SLC6A2: variants seen among roughly 807,000 people sequenced by gnomAD.
The protein encoded by SLC6A2 is sodium-dependent noradrenaline transporter.
A neutral mutation model predicts 71.7 loss-of-function variants in SLC6A2; 26 were observed. The observed-to-expected ratio is 0.36, with a 90% confidence interval of 0.27 to 0.50. The LOEUF (loss-of-function observed/expected upper bound fraction) is 0.50, where lower values mean the gene tolerates loss of function less well. SLC6A2 is among the 20% of genes least tolerant of loss of function. SLC6A2 has a pLI of 0.96. For missense variants in SLC6A2, 581 were observed against 803.9 expected (o/e 0.72, Z 3.35); for synonymous variants, 363 against 337.9 (o/e 1.07, Z -0.82).
At chr16:55,686,850 T>G (rs1248141266) in intron 5 of SLC6A2, among the ~76,000 whole-genome samples, 1 of 152,342 alleles carries the variant, frequency 6.6e-6, no homozygotes, top group Middle Eastern at 3.4e-3. Flanking sequence ...AACATTCTGA[T>G]GCCTGGCACC....
chr16:55,686,239 A>G (rs1965448512), intron 5 of SLC6A2, among the ~76,000 whole-genome samples: 1 of 152,198 alleles, frequency 6.6e-6, no homozygotes. Flanking sequence ...GATGGTGCAT[A>G]CACATTGCTA....
intron 4 of SLC6A2, among the ~76,000 whole-genome samples, chr16:55,683,120 C>T (rs1180219692): frequency 6.6e-6 from 1 of 152,094 alleles, no homozygotes; most frequent in Non-Finnish European, 1.5e-5. Flanking sequence ...TCAGGGGAAC[C>T]CTTCTCTCCT....
In SLC6A2 at chr16:55,702,516, C is replaced by T; in HGVS notation, c.*170C>T. 2 of 1,520,222 alleles carry T rather than the reference C, an allele frequency of 1.3e-6. No individual in the cohort carries two copies. Among genetic ancestry groups the T allele is most frequent in the South Asian group, 1.3e-5 (1 of 78,228 alleles). 94.2% of individuals were successfully genotyped at this position (1,520,222 alleles called of 1,614,324 possible). A position where few individuals can be genotyped will look rare whatever the true frequency, so the allele number is the denominator to read the frequency against. ...ATTTCGTGACTGTAGTTTTTGTTCA[C>T]CTTCTGTGCATCTGGCCTGGGGGCT... On this transcript the variant is annotated 3_prime_UTR_variant, in exon 15 of 15. Coordinates refer to ENST00000568943, the MANE Select transcript of SLC6A2 (RefSeq NM_001172501.3).
At chr16:55,689,629 T>C (rs1272892893) in intron 5 of SLC6A2, among the ~76,000 whole-genome samples, 3 of 152,220 alleles carry the variant, frequency 2.0e-5, no homozygotes, top group Admixed American at 6.5e-5. Flanking sequence ...CTCAAGGAGA[T>C]GTGAGAGCTC....
intron 4 of SLC6A2, among the ~76,000 whole-genome samples, chr16:55,675,836 A>G (rs562798852): frequency 2.0e-5 from 3 of 152,268 alleles, no homozygotes; most frequent in African/African-American, 4.8e-5. Context: ...CTTCAGTCCT[A>G]TGGATTCCCC....
intron 6 of SLC6A2, among the ~76,000 whole-genome samples, chr16:55,693,294 C>G (rs1965693923): frequency 6.6e-6 from 1 of 151,988 alleles, no homozygotes; most frequent in African/African-American, 2.4e-5. Context: ...TGCTTGAACC[C>G]AGGGAGTGGA....
intron 2 of SLC6A2, among the ~76,000 whole-genome samples, chr16:55,661,496 A>G (rs1964608634): frequency 6.6e-6 from 1 of 152,256 alleles, no homozygotes; most frequent in South Asian, 2.1e-4. Flanking sequence ...TAGGGGCTCC[A>G]TAAATGTAGT....
chr16:55,701,886 A>G lies in SLC6A2; in HGVS notation c.1782A>G (p.Pro594=). 2 of 1,614,088 alleles carry G rather than the reference A, an allele frequency of 1.2e-6. No homozygotes were observed. Among genetic ancestry groups the G allele is most frequent in the East Asian group, 2.2e-5 (1 of 44,868 alleles). ...AGAGACTGGCCTATGGCATCACGCCAGAGAACGAGCACCACCTGGTGGCTC... is the reference window on the plus strand; with the variant it reads ...AGAGACTGGCCTATGGCATCACGCCGGAGAACGAGCACCACCTGGTGGCTC... ...LWERLAYGIT[P]ENEHHLVAQR... Residue 594 remains proline (P), a synonymous_variant, in exon 14 of 15, where the codon CCA becomes CCG. Transcript: ENST00000568943.
intron 2 of SLC6A2, among the ~76,000 whole-genome samples, chr16:55,659,119 G>A (rs931079209): frequency 7.2e-5 from 11 of 152,126 alleles, no homozygotes; most frequent in East Asian, 5.8e-4. Context: ...TCCTCTTGGC[G>A]TGAGGCACAA....
chr16:55,693,071 G>A (rs1240596201), intron 6 of SLC6A2, among the ~76,000 whole-genome samples: 1 of 152,222 alleles, frequency 6.6e-6, no homozygotes, highest in Non-Finnish European at 1.5e-5. Context: ...GCTGCCCTCT[G>A]TTTGCACAGG....
intron 2 of SLC6A2, among the ~76,000 whole-genome samples, chr16:55,660,580 T>TTTGCAGTTGCAG (rs1964584218): frequency 6.6e-6 from 1 of 152,200 alleles, no homozygotes; most frequent in Non-Finnish European, 1.5e-5. Context: ...AAGGTGGGTC[T>TTTGCAGTTGCAG]TTGCAGTTGC....
chr16:55,685,861 A>T (rs1965435219), intron 5 of SLC6A2, among the ~76,000 whole-genome samples: 2 of 152,268 alleles, frequency 1.3e-5, no homozygotes, highest in South Asian at 2.1e-4. Flanking sequence ...GCCAGTCCGG[A>T]GTTGGCATTC....
intron 4 of SLC6A2, 105 bp from the exon 5 acceptor site, chr16:55,685,038 C>A: frequency 8.8e-7 from 1 of 1,140,280 alleles, no homozygotes; most frequent in Non-Finnish European, 1.3e-6. Flanking sequence ...GTGGCCAGGT[C>A]CTGTCTCCAT....
chr16:55,695,420 C>G lies in SLC6A2; in HGVS notation c.1147+18C>G, dbSNP rs752300218. The G allele has an allele frequency of 6.2e-7, 1 of 1,613,876 alleles. No individual in the cohort carries two copies. The highest frequency in any genetic ancestry group is 8.5e-7 in the Non-Finnish European group (1 of 1,179,926). ...CACAGAAGGTGGGTGGGCAGCCCAC[C>G]TGGGCCCCAGCCCACTGAGGCGGGA... On this transcript the variant is annotated intron_variant, in intron 8 of 14. Transcript: ENST00000568943.
chr16:55,672,295 T>C, intron 4 of SLC6A2, 120 bp downstream of exon 4: 1 of 1,550,832 alleles, frequency 6.4e-7, no homozygotes, highest in Non-Finnish European at 8.8e-7. Context: ...TAATGTTTAC[T>C]GAGCAGCCAC....
chr16:55,691,233 GAGAGA>G (rs1965613338), intron 5 of SLC6A2, among the ~76,000 whole-genome samples: 1 of 3,572 alleles, frequency 2.8e-4, no homozygotes, highest in Non-Finnish European at 3.1e-3. Context: ...GAGAGGGGGA[GAGAGA>G]GAGAGAGAGA....
chr16:55,700,150 G>A lies in SLC6A2; in HGVS notation c.1602G>A (p.Val534=). ...VSPAFLLFVV[V]VSIINFKPLT... is the part of the protein sequence containing the mutation. ...CTGCCCATCTCTAGTTCGTGGTTGTGGTCAGCATCATCAACTTCAAGCCAC... is the reference window on the plus strand; with the variant it reads ...CTGCCCATCTCTAGTTCGTGGTTGTAGTCAGCATCATCAACTTCAAGCCAC... Residue 534 remains valine (V), a synonymous_variant, in exon 13 of 15, where the codon GTG becomes GTA. Transcript: ENST00000568943. 3 of 1,613,892 alleles carry A rather than the reference G, an allele frequency of 1.9e-6. No individual in the cohort carries two copies. The highest frequency in any genetic ancestry group is 1.3e-5 in the African/African-American group (1 of 74,988).
intron 4 of SLC6A2, among the ~76,000 whole-genome samples, chr16:55,683,013 G>A (rs944232005): frequency 6.6e-5 from 10 of 152,300 alleles, no homozygotes; most frequent in South Asian, 2.1e-4. Flanking sequence ...GCTCACAGCC[G>A]GCCTTCAGTG....
Position 55,699,668 on chromosome 16 carries a change from G to T in SLC6A2, c.1590+14G>T. On this transcript the variant is annotated intron_variant, in intron 12 of 14. Coordinates refer to ENST00000568943, the MANE Select transcript of SLC6A2 (RefSeq NM_001172501.3). Reference sequence around the variant, plus strand: ...GCCTTCCTCCTGGTGTGTAGTGTCTGCAGGGAAGTCCTGCATGTGGGGAGG... The same window carrying T: ...GCCTTCCTCCTGGTGTGTAGTGTCTTCAGGGAAGTCCTGCATGTGGGGAGG... The T allele has an allele frequency of 6.3e-7, 1 of 1,583,590 alleles. No individual in the cohort carries two copies. The highest frequency in any genetic ancestry group is 8.7e-7 in the Non-Finnish European group (1 of 1,152,210).
Sources: gnomAD v4.1 joint callset for allele counts (sites outside exome capture counted in the v4.1 genomes callset) on GRCh38, gnomAD v4.1.1 for gene constraint, MANE v1.5 for transcripts, NCBI Gene and HGNC (gene_info 2026-07-23, HGNC 2026-07-21) for gene names.